LRRC7: variants seen among roughly 807,000 people sequenced by gnomAD.
LRRC7 encodes the protein leucine-rich repeat-containing protein 7.
A neutral mutation model predicts 175.7 loss-of-function variants in LRRC7; 23 were observed. The observed-to-expected ratio is 0.13, with a 90% confidence interval of 0.09 to 0.19. The LOEUF is 0.19. LRRC7 is among the 10% of genes least tolerant of loss of function. The pLI, the probability that LRRC7 is intolerant of heterozygous loss-of-function variation, is 1.00. For missense variants in LRRC7, 1,354 were observed against 1,904.7 expected, an observed-to-expected ratio of 0.71 and a Z score of 5.38; for synonymous variants, 685 against 680.9, an observed-to-expected ratio of 1.01 and a Z score of -0.09.
chr1:69,657,679 A>T (rs1656854600), intron 1 of LRRC7, among the ~76,000 whole-genome samples: 1 of 151,972 alleles, frequency 6.6e-6, no homozygotes, highest in Non-Finnish European at 1.5e-5. Context: ...CAGAGAAAGC[A>T]TAGGAAGAAA....
Position 69,568,270 on chromosome 1 carries a change from G to T in LRRC7, c.-370G>T. 1 of 207,816 alleles carries T rather than the reference G, an allele frequency of 4.8e-6. No individual in the cohort carries two copies. The highest frequency in any genetic ancestry group is 8.0e-5 in the South Asian group (1 of 12,552). 12.9% of individuals were successfully genotyped at this position (207,816 alleles called of 1,614,324 possible). ...CTTCTGGGGGCGGGGAGGGAGCTGC[G>T]CCTCCGCCACCGCCGCCGCCGCCGC... On this transcript the variant is annotated 5_prime_UTR_variant, in exon 1 of 27. Transcript: ENST00000651989.
At chr1:69,848,700 C>T (rs781632464) in intron 7 of LRRC7, among the ~76,000 whole-genome samples, 40 of 152,086 alleles carry the variant, frequency 2.6e-4, no homozygotes, top group Non-Finnish European at 4.0e-4. Context: ...TTTCAATATG[C>T]AAAATACATC....
chr1:69,605,959 A>G (rs1281526742), intron 1 of LRRC7, among the ~76,000 whole-genome samples: 1 of 152,186 alleles, frequency 6.6e-6, no homozygotes, highest in African/African-American at 2.4e-5. Context: ...GAGTAATATT[A>G]TCTAAAAAAC....
chr1:69,925,394 G>C (rs11588166), intron 7 of LRRC7, among the ~76,000 whole-genome samples: 1,786 of 152,086 alleles, frequency 0.012, 13 homozygotes, highest in African/African-American at 0.014. Flanking sequence ...CCTCCTTGTA[G>C]CTCTGGTAGA....
At chr1:70,040,264 C>T (rs1659755866) in intron 21 of LRRC7, among the ~76,000 whole-genome samples, 1 of 152,078 alleles carries the variant, frequency 6.6e-6, no homozygotes, top group East Asian at 1.9e-4. Context: ...TGCTATGGGA[C>T]TACTAGTTAT....
At chr1:69,993,036 A>G (rs138793397) in intron 10 of LRRC7, among the ~76,000 whole-genome samples, 1 of 152,252 alleles carries the variant, frequency 6.6e-6, no homozygotes, top group East Asian at 1.9e-4. Flanking sequence ...GTCACAAAAA[A>G]CTTAGCTATA....
chr1:70,012,659 G>A (rs1049341594), intron 12 of LRRC7, among the ~76,000 whole-genome samples: 2 of 151,454 alleles, frequency 1.3e-5, no homozygotes, highest in Admixed American at 6.6e-5. Context: ...AGATATATTA[G>A]TACTCACTTC....
chr1:69,871,621 T>G (rs1345684622), intron 7 of LRRC7, among the ~76,000 whole-genome samples: 1 of 152,026 alleles, frequency 6.6e-6, no homozygotes, highest in African/African-American at 2.4e-5. Context: ...AATAAGAATG[T>G]GAACTTTATA....
Position 70,133,509 on chromosome 1 carries a change from G to T in LRRC7, c.*11622G>T, listed in dbSNP as rs968839684. On this transcript the variant is annotated 3_prime_UTR_variant, in exon 27 of 27. Transcript: ENST00000651989. ...GTGCTGGGATGGCCTTACACAGTCTGTTTTTATGCCCCTTGTGCTGATACA... is the reference window on the plus strand; with the variant it reads ...GTGCTGGGATGGCCTTACACAGTCTTTTTTTATGCCCCTTGTGCTGATACA... Among the ~76,000 whole-genome samples, 4 of 152,178 alleles carry T rather than the reference G, an allele frequency of 2.6e-5. No individual in the cohort carries two copies. The highest frequency in any genetic ancestry group is 5.9e-5 in the Non-Finnish European group (4 of 67,988).
chr1:69,671,760 G>A (rs1188324515), intron 1 of LRRC7, among the ~76,000 whole-genome samples: 1 of 152,148 alleles, frequency 6.6e-6, no homozygotes, highest in Admixed American at 6.5e-5. Context: ...GTTCAGCCTA[G>A]TTATGCTTTC....
intron 2 of LRRC7, among the ~76,000 whole-genome samples, chr1:69,735,231 C>T (rs1667984455): frequency 1.3e-5 from 2 of 151,904 alleles, no homozygotes; most frequent in Admixed American, 1.3e-4. Context: ...ATTTAAATTT[C>T]CCCAGTGGTC....
At position 70,127,054 on chromosome 1, in the gene LRRC7, C is replaced by A. The variant is rs933952379; in HGVS notation, c.*5167C>A. 6.6e-6 allele frequency among the ~76,000 whole-genome samples: 1 copy of A among 152,164 alleles called. No individual in the cohort carries two copies. Among genetic ancestry groups the A allele is most frequent in the African/African-American group, 2.4e-5 (1 of 41,444 alleles). The stretch of plus-strand genomic sequence containing the variant: ...CAGCTCCCAATTTGGGAGGAACTTT[C>A]TTGGGTAACGCAGGAACCTGGAGTA... On this transcript the variant is annotated 3_prime_UTR_variant, in exon 27 of 27. Coordinates refer to ENST00000651989, the MANE Select transcript of LRRC7 (RefSeq NM_001370785.2).
At chr1:69,694,264 C>A (rs1211190577) in intron 2 of LRRC7, among the ~76,000 whole-genome samples, 1 of 152,186 alleles carries the variant, frequency 6.6e-6, no homozygotes, top group African/African-American at 2.4e-5. Flanking sequence ...CTTTGAAACT[C>A]ATCTCAGAAT....
intron 17 of LRRC7, 142 bp downstream of exon 17, chr1:70,023,516 A>G (rs1004817135): frequency 1.1e-6 from 1 of 917,996 alleles, no homozygotes; most frequent in East Asian, 3.0e-5. Flanking sequence ...TTTTATCTCA[A>G]TTTAACATTT....
chr1:69,783,786 A>G (rs1674078547), intron 3 of LRRC7, among the ~76,000 whole-genome samples: 2 of 150,598 alleles, frequency 1.3e-5, no homozygotes, highest in South Asian at 4.2e-4. Context: ...AAGATTCTGG[A>G]ATAACTGGTC....
At chr1:70,072,597 C>A (rs1450544978) in intron 23 of LRRC7, among the ~76,000 whole-genome samples, 1 of 150,742 alleles carries the variant, frequency 6.6e-6, no homozygotes, top group East Asian at 1.9e-4. Flanking sequence ...GCTGCTGCTG[C>A]TGCTGCTGCT....
intron 1 of LRRC7, among the ~76,000 whole-genome samples, chr1:69,667,802 C>A (rs1056659760): frequency 1.3e-5 from 2 of 152,110 alleles, no homozygotes; most frequent in Non-Finnish European, 2.9e-5. Context: ...TATTTATATT[C>A]AATGTTATTA....
At chr1:69,796,725 C>T (rs965721324) in intron 4 of LRRC7, among the ~76,000 whole-genome samples, 5 of 151,484 alleles carry the variant, frequency 3.3e-5, no homozygotes, top group South Asian at 2.1e-4. Flanking sequence ...ACCTAGGAGG[C>T]GGAGGTTGCG....
intron 4 of LRRC7, among the ~76,000 whole-genome samples, chr1:69,802,834 C>A (rs1341890659): frequency 6.6e-6 from 1 of 151,280 alleles, no homozygotes; most frequent in Non-Finnish European, 1.5e-5. Context: ...CATAATTTTA[C>A]AAATTATTTA....
Sources: allele counts gnomAD v4.1 joint callset (sites outside exome capture counted in the v4.1 genomes callset), GRCh38; gene constraint gnomAD v4.1.1; transcripts MANE v1.5; gene names NCBI Gene and HGNC (gene_info 2026-07-23, HGNC 2026-07-21).